The following BFSP2 variants were observed in gnomAD, a reference collection of about 807,000 sequenced individuals.
BFSP2 encodes the protein phakinin.
BFSP2 carries 38 observed loss-of-function variants against 44.9 expected under a neutral mutation model. The observed-to-expected ratio is 0.85, with a 90% CI of 0.65 to 1.11. The LOEUF is 1.11. Ranked by LOEUF, BFSP2 falls within the 50% of genes least tolerant of loss-of-function variation. The pLI is 0.00. For missense variants in BFSP2, 525 were observed against 533.0 expected (o/e 0.99, Z 0.15); for synonymous variants, 197 against 209.9 (o/e 0.94, Z 0.53).
intron 4 of BFSP2, chr3:133,455,361 G>A (rs1016934336): frequency 1.3e-5 from 2 of 152,160 alleles, no homozygotes; most frequent in Non-Finnish European, 2.9e-5. Context: ...GAGTTTGTTC[G>A]GGTTCTTGGC....
intron 4 of BFSP2, 131 bp from the exon 5 acceptor site, chr3:133,466,697 A>AAAAAAAAAT: frequency 1.4e-6 from 1 of 726,476 alleles, no homozygotes; most frequent in Non-Finnish European, 2.2e-6. Context: ...AAAAAAAAAA[A>AAAAAAAAAT]GATGTTTCCA....
intron 1 of BFSP2, among the ~76,000 whole-genome samples, chr3:133,439,056 T>C (rs1237061481): frequency 1.3e-5 from 2 of 152,236 alleles, no homozygotes; most frequent in African/African-American, 4.8e-5. Flanking sequence ...CATCACATAA[T>C]GGAAGTAACT....
chr3:133,469,918 A>T (rs542766827), intron 5 of BFSP2, among the ~76,000 whole-genome samples: 2 of 152,328 alleles, frequency 1.3e-5, no homozygotes, highest in Admixed American at 1.3e-4. Flanking sequence ...ATGGAGCAAA[A>T]ACTATAGACA....
intron 5 of BFSP2, among the ~76,000 whole-genome samples, chr3:133,471,955 C>T (rs1465161566): frequency 3.3e-5 from 5 of 152,028 alleles, no homozygotes; most frequent in Non-Finnish European, 7.4e-5. Context: ...GAAGAAAAAG[C>T]CCCGGAGAAC....
chr3:133,400,185 C>A lies in BFSP2; in HGVS notation c.102C>A (p.Ser34=). 7.4e-6 allele frequency: 12 copies of A among 1,614,132 alleles called. No homozygotes were observed. Among genetic ancestry groups the A allele is most frequent in the Non-Finnish European group, 1.0e-5 (12 of 1,180,020 alleles). Residue 34 remains serine, a synonymous_variant, in exon 1 of 7, where the codon TCC becomes TCA. Transcript: ENST00000302334. The surrounding 1 kb of genome is among the most constrained non-coding windows in gnomAD (Gnocchi z 4.0). ...RASFRGPRSS[S]SLESPPASRT... is the part of the protein sequence containing the mutation. ...CCTTCAGGGGGCCACGGTCATCATCCTCCCTGGAGAGCCCCCCAGCCTCCA... is the reference window on the plus strand; with the variant it reads ...CCTTCAGGGGGCCACGGTCATCATCATCCCTGGAGAGCCCCCCAGCCTCCA...
rs2074116389 is a variant in BFSP2, at chr3:133,466,941, A to T, written c.1005A>T (p.Thr335=). 1 of 1,613,996 alleles carries T rather than the reference A, an allele frequency of 6.2e-7. No homozygotes were observed. Among genetic ancestry groups the T allele is most frequent in the South Asian group, 1.1e-5 (1 of 91,090 alleles). The change falls in exon 5 of 7, where the codon ACA becomes ACT. Residue 335 remains threonine, a synonymous_variant. Coordinates refer to ENST00000302334, the MANE Select transcript of BFSP2 (RefSeq NM_003571.4). ...SCQVQSLQAE[T]ESLRALKRGL... ...AAGTCCAGAGCCTCCAGGCTGAGAC[A>T]GAATCCTTACGTGCCCTGGTAAGTG...
chr3:133,439,331 C>T (rs867121770), intron 1 of BFSP2, among the ~76,000 whole-genome samples: 2 of 152,346 alleles, frequency 1.3e-5, no homozygotes, highest in Middle Eastern at 3.4e-3. Flanking sequence ...ATATTTCTCT[C>T]CTCAGCTAGC....
At chr3:133,448,169 C>CA (rs2073921150) in intron 2 of BFSP2, among the ~76,000 whole-genome samples, 1 of 152,184 alleles carries the variant, frequency 6.6e-6, no homozygotes, top group African/African-American at 2.4e-5. Flanking sequence ...AAAAGGAGGA[C>CA]AATCAGGATA....
intron 1 of BFSP2, among the ~76,000 whole-genome samples, chr3:133,437,781 G>A (rs1349836051): frequency 1.3e-5 from 2 of 152,156 alleles, no homozygotes; most frequent in African/African-American, 2.4e-5. Flanking sequence ...CCTGGAGAGG[G>A]AGCACCGTGA....
chr3:133,453,741 A>G (rs2073987243), intron 4 of BFSP2, among the ~76,000 whole-genome samples: 1 of 152,240 alleles, frequency 6.6e-6, no homozygotes, highest in Non-Finnish European at 1.5e-5. Context: ...CAGGGGGAAC[A>G]GGAGAGCACT....
intron 1 of BFSP2, among the ~76,000 whole-genome samples, chr3:133,446,570 TTATATATATATATATATATATA>T (rs1168844039): frequency 1.0e-3 from 23 of 22,382 alleles, no homozygotes; most frequent in East Asian, 0.016. Context: ...AGCTCACCAT[TTATATATATATATATATATATA>T]TATATATATA....
intron 1 of BFSP2, chr3:133,412,594 A>G (rs1477578853): frequency 2.0e-5 from 3 of 152,260 alleles, no homozygotes. Flanking sequence ...CCCCGCGTGG[A>G]CCAAGGTGGG....
At chr3:133,437,166 T>C (rs1361003016) in intron 1 of BFSP2, among the ~76,000 whole-genome samples, 1 of 152,164 alleles carries the variant, frequency 6.6e-6, no homozygotes, top group Non-Finnish European at 1.5e-5. Flanking sequence ...TTCTAGATCC[T>C]TGAGGAATTG....
intron 5 of BFSP2, among the ~76,000 whole-genome samples, chr3:133,471,632 A>G (rs2074162420): frequency 6.6e-6 from 1 of 152,174 alleles, no homozygotes; most frequent in East Asian, 1.9e-4. Context: ...CCTGGAGACG[A>G]CTCATGAGTA....
At chr3:133,416,732 C>T (rs1332761133) in intron 1 of BFSP2, among the ~76,000 whole-genome samples, 3 of 144,136 alleles carry the variant, frequency 2.1e-5, no homozygotes, top group Middle Eastern at 3.7e-3. Flanking sequence ...TCTACTCACC[C>T]TTGCCCTCTC....
chr3:133,426,036 A>G (rs2073651710), intron 1 of BFSP2, among the ~76,000 whole-genome samples: 3 of 143,834 alleles, frequency 2.1e-5, no homozygotes, highest in Admixed American at 7.0e-5. Context: ...AGGGAAGGGA[A>G]GGGAAAAAGC....
chr3:133,411,761 T>C (rs2073456427), intron 1 of BFSP2, among the ~76,000 whole-genome samples: 2 of 152,090 alleles, frequency 1.3e-5, no homozygotes, highest in Admixed American at 6.5e-5. Flanking sequence ...AGTATTATTA[T>C]AGAGATGAAA....
At chr3:133,406,380 C>T (rs1036117201) in intron 1 of BFSP2, among the ~76,000 whole-genome samples, 1 of 152,210 alleles carries the variant, frequency 6.6e-6, no homozygotes, top group African/African-American at 2.4e-5. Flanking sequence ...TCTTTCCATG[C>T]CCCTCTCATA....
chr3:133,452,124 C>G (rs555064294), intron 4 of BFSP2, among the ~76,000 whole-genome samples: 1 of 152,316 alleles, frequency 6.6e-6, no homozygotes, highest in Non-Finnish European at 1.5e-5. Flanking sequence ...TTAAAGCTCT[C>G]TGGATGATTC....
Sources: allele counts gnomAD v4.1 joint callset (sites outside exome capture counted in the v4.1 genomes callset), GRCh38; gene constraint gnomAD v4.1.1; non-coding constraint Gnocchi (gnomAD v3.1); transcripts MANE v1.5; gene names NCBI Gene and HGNC (gene_info 2026-07-23, HGNC 2026-07-21).